Variants in SORCS3 observed in about 807,000 individuals in gnomAD.
SORCS3 encodes VPS10 domain-containing receptor SorCS3.
A neutral mutation model predicts 146.3 loss-of-function variants in SORCS3; 57 were observed. The observed-to-expected ratio is 0.39, with a 90% CI of 0.31 to 0.49. SORCS3 has a LOEUF of 0.49. Ranked by LOEUF, SORCS3 falls within the 20% of genes least tolerant of loss-of-function variation. SORCS3 has a pLI of 0.92. For synonymous variants in SORCS3, 653 were observed against 618.5 expected, an observed-to-expected ratio of 1.06 and a Z score of -0.83; for missense variants, 1,341 against 1,575.5, an observed-to-expected ratio of 0.85 and a Z score of 2.52.
At chr10:104,816,379 A>G (rs1258027488) in intron 1 of SORCS3, among the ~76,000 whole-genome samples, 2 of 152,120 alleles carry the variant, frequency 1.3e-5, no homozygotes, top group African/African-American at 2.4e-5. Context: ...ACTTTTCTTC[A>G]TGTATAAACT....
rs551927386 is a variant in SORCS3, at chr10:104,923,082, T to C, written c.795+7150T>C. 1.2e-3 allele frequency among the ~76,000 whole-genome samples: 189 copies of C among 152,334 alleles called. 3 individuals carry two copies. In the Middle Eastern group the frequency reaches 0.017, roughly 14 times the overall value. On this transcript the variant is annotated intron_variant, in intron 3 of 26. Coordinates refer to ENST00000369701, the MANE Select transcript of SORCS3 (RefSeq NM_014978.3). ...CCCTGAGCAACTCAGTGTCTTTATA[T>C]AGGCCACTTCCCTCCCAGGGCTTTC...
intron 1 of SORCS3, among the ~76,000 whole-genome samples, chr10:104,757,844 C>T (rs2017071996): frequency 8.5e-6 from 1 of 117,256 alleles, no homozygotes; most frequent in Admixed American, 1.1e-4. Flanking sequence ...ACTTGCGGTT[C>T]CCCACTGCCA....
intron 20 of SORCS3, among the ~76,000 whole-genome samples, chr10:105,233,652 A>G (rs2119696248): frequency 6.6e-6 from 1 of 152,222 alleles, no homozygotes; most frequent in Non-Finnish European, 1.5e-5. Context: ...GAGTGAGAAT[A>G]TGCAGTGTTT....
In SORCS3 at chr10:104,701,099, T is replaced by C. The variant is rs144703740; in HGVS notation, c.627+59145T>C. On this transcript the variant is annotated intron_variant, in intron 1 of 26. Coordinates refer to ENST00000369701, the MANE Select transcript of SORCS3 (RefSeq NM_014978.3). ...AGGCTCTTGTAGGAGATAAAATCCCTGGCTTTTGTTCCTATTTACTGTGAG... is the reference window on the plus strand; with the variant it reads ...AGGCTCTTGTAGGAGATAAAATCCCCGGCTTTTGTTCCTATTTACTGTGAG... Among the ~76,000 whole-genome samples, 1,151 of 152,322 alleles carry C rather than the reference T, an allele frequency of 7.6e-3. 11 individuals are homozygous for C. The highest frequency in any genetic ancestry group is 0.026 in the African/African-American group (1,064 of 41,562).
intron 1 of SORCS3, among the ~76,000 whole-genome samples, chr10:104,652,773 T>C (rs1589447559): frequency 6.6e-6 from 1 of 152,346 alleles, no homozygotes; most frequent in African/African-American, 2.4e-5. Flanking sequence ...CCTGTATTGA[T>C]TGCTCTGCCT....
intron 1 of SORCS3, among the ~76,000 whole-genome samples, chr10:104,660,551 T>C (rs2015687753): frequency 6.6e-6 from 1 of 152,174 alleles, no homozygotes; most frequent in South Asian, 2.1e-4. Flanking sequence ...CCCTCCCCTC[T>C]ACCCAGCACC....
chr10:105,046,493 C>A (rs577218949), intron 5 of SORCS3, among the ~76,000 whole-genome samples: 1 of 152,022 alleles, frequency 6.6e-6, no homozygotes, highest in African/African-American at 2.4e-5. Context: ...GCAGAAAGAA[C>A]GAACCCCGTG....
At chr10:104,992,073 G>A (rs1021373874) in intron 4 of SORCS3, among the ~76,000 whole-genome samples, 1 of 152,162 alleles carries the variant, frequency 6.6e-6, no homozygotes, top group Admixed American at 6.5e-5. Flanking sequence ...TTCCTGCTGT[G>A]TAGCATGAGA....
intron 1 of SORCS3, among the ~76,000 whole-genome samples, chr10:104,752,942 A>G (rs1170948921): frequency 3.5e-5 from 2 of 56,522 alleles, no homozygotes; most frequent in African/African-American, 1.7e-4. Flanking sequence ...AGAAAAACCA[A>G]ACCAAGCCAA....
At chr10:105,251,060 G>A (rs1307779991) in intron 22 of SORCS3, among the ~76,000 whole-genome samples, 1 of 152,128 alleles carries the variant, frequency 6.6e-6, no homozygotes, top group Non-Finnish European at 1.5e-5. Flanking sequence ...AAATATCTGG[G>A]CAATCACACC....
intron 2 of SORCS3, among the ~76,000 whole-genome samples, chr10:104,855,399 A>T (rs1038136607): frequency 1.3e-5 from 2 of 152,154 alleles, no homozygotes; most frequent in African/African-American, 2.4e-5. Context: ...TAAACCTATA[A>T]GTGAATTTGT....
At chr10:104,923,980 T>G (rs1446645170) in intron 3 of SORCS3, among the ~76,000 whole-genome samples, 1 of 152,232 alleles carries the variant, frequency 6.6e-6, no homozygotes, top group Non-Finnish European at 1.5e-5. Context: ...TTAACTCATT[T>G]AATACTTCAA....
chr10:105,113,410 C>T (rs189845555), intron 7 of SORCS3, among the ~76,000 whole-genome samples: 285 of 152,278 alleles, frequency 1.9e-3, no homozygotes, highest in African/African-American at 5.8e-3. Context: ...TTGGTAACCT[C>T]TTTATAATGA....
At chr10:104,679,176 C>T (rs2015944327) in intron 1 of SORCS3, among the ~76,000 whole-genome samples, 1 of 152,082 alleles carries the variant, frequency 6.6e-6, no homozygotes, top group Non-Finnish European at 1.5e-5. Context: ...TGGGTACCTG[C>T]TGAGTGGTTA....
At chr10:105,260,690 A>T (rs1028375254) in intron 25 of SORCS3, among the ~76,000 whole-genome samples, 1 of 152,184 alleles carries the variant, frequency 6.6e-6, no homozygotes, top group Non-Finnish European at 1.5e-5. Flanking sequence ...ATTTCGCATC[A>T]TTTGGAGTTG....
At chr10:104,933,235 C>A (rs2133612304) in intron 3 of SORCS3, among the ~76,000 whole-genome samples, 1 of 151,968 alleles carries the variant, frequency 6.6e-6, no homozygotes, top group East Asian at 1.9e-4. Context: ...GGTTCAGTGA[C>A]ATCTTGGAAG....
chr10:105,137,677 G>A (rs546889369), intron 7 of SORCS3, among the ~76,000 whole-genome samples: 36 of 152,270 alleles, frequency 2.4e-4, no homozygotes, highest in Middle Eastern at 3.4e-3. Context: ...GCATCACCTG[G>A]AAATTTATTA....
intron 1 of SORCS3, among the ~76,000 whole-genome samples, chr10:104,836,811 T>C (rs77131629): frequency 0.099 from 14,981 of 151,944 alleles, 915 homozygotes; most frequent in South Asian, 0.24. Context: ...TACTGCTCCA[T>C]CTCCATGCTG....
intron 12 of SORCS3, 143 bp from the exon 13 acceptor site, chr10:105,167,115 A>G (rs1310580489): frequency 1.6e-6 from 1 of 613,252 alleles, no homozygotes; most frequent in Non-Finnish European, 2.8e-6. Context: ...AAATGGAGAT[A>G]ATACTTGCAA....
Sources: gnomAD v4.1 joint callset for allele counts (sites outside exome capture counted in the v4.1 genomes callset) on GRCh38, gnomAD v4.1.1 for gene constraint, MANE v1.5 for transcripts, NCBI Gene and HGNC (gene_info 2026-07-23, HGNC 2026-07-21) for gene names.